The following ALPK2 variants were observed in gnomAD, a reference collection of about 807,000 sequenced individuals.
The protein encoded by ALPK2 is alpha kinase 2.
A neutral mutation model predicts 163.1 loss-of-function variants in ALPK2; 127 were observed. The ratio of observed to expected loss-of-function variants is 0.78; its 90% CI spans 0.67 to 0.90. The LOEUF (loss-of-function observed/expected upper bound fraction) is 0.90. ALPK2 is among the 40% of genes least tolerant of loss of function. ALPK2 has a pLI of 0.00. For synonymous variants in ALPK2, 953 were observed against 959.1 expected, an observed-to-expected ratio of 0.99 and a Z score of 0.12; for missense variants, 2,360 against 2,589.6, an observed-to-expected ratio of 0.91 and a Z score of 1.92.
chr18:58,524,112 A>AT (rs772301969), intron 6 of ALPK2, 50 bp from the exon 7 acceptor site: 13 of 1,570,438 alleles, frequency 8.3e-6, no homozygotes, highest in Admixed American at 3.7e-5. Flanking sequence ...CTACAGTTGC[A>AT]TTTTTTCCTA....
At chr18:58,595,772 C>A (rs1377892245) in intron 3 of ALPK2, among the ~76,000 whole-genome samples, 1 of 152,146 alleles carries the variant, frequency 6.6e-6, no homozygotes, top group Non-Finnish European at 1.5e-5. Flanking sequence ...AGCAGGGTTT[C>A]TCCTGTGTTA....
intron 3 of ALPK2, among the ~76,000 whole-genome samples, chr18:58,590,865 G>C (rs755979426): frequency 2.6e-5 from 4 of 152,144 alleles, no homozygotes; most frequent in Admixed American, 2.6e-4. Context: ...CTCCCAGGCC[G>C]GTTCTCACCC....
intron 4 of ALPK2, chr18:58,557,304 C>T (rs1006920084): frequency 5.3e-5 from 8 of 152,110 alleles, no homozygotes; most frequent in Non-Finnish European, 1.0e-4. Context: ...TACAGGAAGC[C>T]GCCCTTCCTC....
intron 10 of ALPK2, among the ~76,000 whole-genome samples, chr18:58,509,839 G>C (rs79736546): frequency 0.92 from 135,928 of 147,918 alleles, 63,506 homozygotes; most frequent in East Asian, 1. Flanking sequence ...TAGGTTGCCT[G>C]TTCACTCTGA....
intron 11 of ALPK2, among the ~76,000 whole-genome samples, chr18:58,499,397 A>G (rs887494984): frequency 6.6e-6 from 1 of 152,140 alleles, no homozygotes; most frequent in Non-Finnish European, 1.5e-5. Flanking sequence ...TCTGTAGTGG[A>G]AAGAGCCACC....
At chr18:58,484,148 G>A (rs1157592481) in intron 12 of ALPK2, among the ~76,000 whole-genome samples, 1 of 152,152 alleles carries the variant, frequency 6.6e-6, no homozygotes, top group Non-Finnish European at 1.5e-5. Flanking sequence ...AGAGTGGGAT[G>A]CTTTTATTTT....
At chr18:58,589,509 T>A (rs1379730428) in intron 3 of ALPK2, among the ~76,000 whole-genome samples, 5 of 152,078 alleles carry the variant, frequency 3.3e-5, no homozygotes, top group Non-Finnish European at 2.9e-5. Flanking sequence ...AAGACACGAG[T>A]TTGGGGAACA....
rs2051410466 is a variant in ALPK2 at position 58,498,107 on chromosome 18, G to A, written c.6248-10C>T. On this transcript the variant is annotated splice_polypyrimidine_tract_variant and intron_variant, in intron 11 of 12. Transcript: ENST00000361673. ...AGCTTCATTCCTACACCTACAGGAA[G>A]AGAAAGCAAAGATGGGAGTTTGTGT... 1 of 1,614,086 alleles carries A rather than the reference G, an allele frequency of 6.2e-7. No individual in the cohort carries two copies. Among genetic ancestry groups the A allele is most frequent in the Admixed American group, 1.7e-5 (1 of 60,022 alleles).
rs753191414 is a variant in ALPK2 at position 58,529,146 on chromosome 18, C to T, written c.5446G>A (p.Asp1816Asn). 1.2e-6 allele frequency: 2 copies of T among 1,613,998 alleles called. No homozygotes were observed. The highest frequency in any genetic ancestry group is 1.1e-5 in the South Asian group (1 of 91,090). Residue 1816 changes from aspartate to asparagine, a missense_variant, in exon 6 of 13, where the codon GAT (aspartate) becomes AAT (asparagine). Asp to Asn is a conservative substitution (Grantham distance 23, BLOSUM62 1). Coordinates refer to ENST00000361673, the MANE Select transcript of ALPK2 (RefSeq NM_052947.4). ...LSCQFAEIHE[D>N]STICWTKDSK... Reference sequence around the variant, plus strand: ...TCTTTTGTCCAGCAGATAGTAGAATCTTCATGAATTTCTGCAAATTGGCAG... The same window carrying T: ...TCTTTTGTCCAGCAGATAGTAGAATTTTCATGAATTTCTGCAAATTGGCAG...
chr18:58,503,912 GC>G lies in ALPK2; in HGVS notation c.6247+18del. On this transcript the variant is annotated intron_variant, in intron 11 of 12. Transcript: ENST00000361673. The stretch of plus-strand genomic sequence containing the variant: ...GGCCCACAGCATCCCTGGAGCCTGG[GC>G]TAAGCTGCTTTCCTCACCTTGCATG... 1 of 1,604,244 alleles carries G rather than the reference GC, an allele frequency of 6.2e-7. No homozygotes were observed. Among genetic ancestry groups the G allele is most frequent in the African/African-American group, 1.3e-5 (1 of 74,800 alleles).
In ALPK2 at chr18:58,578,885, T is replaced by TG; in HGVS notation, c.1890dup (p.Lys631GlnfsTer8). ...GTATTAACTTGCATGCCTTCTCCCTTGCAATTTGTGTTGCCTTCTTTGGAG... is the reference window on the plus strand; with the variant it reads ...GTATTAACTTGCATGCCTTCTCCCTTGGCAATTTGTGTTGCCTTCTTTGGAG... On this transcript the variant is annotated frameshift_variant, in exon 4 of 13. Coordinates refer to ENST00000361673, the MANE Select transcript of ALPK2 (RefSeq NM_052947.4). LOFTEE classifies it high-confidence loss of function. The TG allele has an allele frequency of 1.9e-6, 3 of 1,614,246 alleles. No homozygotes were observed. Among genetic ancestry groups the TG allele is most frequent in the Non-Finnish European group, 2.5e-6 (3 of 1,180,036 alleles).
chr18:58,483,109 C>A (rs1304510328), intron 12 of ALPK2, among the ~76,000 whole-genome samples: 2 of 152,212 alleles, frequency 1.3e-5, no homozygotes, highest in African/African-American at 4.8e-5. Flanking sequence ...TAAGTGGCAT[C>A]TCCTTGAGAT....
chr18:58,624,135 T>C (rs773074813), intron 1 of ALPK2, among the ~76,000 whole-genome samples: 2 of 152,336 alleles, frequency 1.3e-5, no homozygotes, highest in South Asian at 2.1e-4. Flanking sequence ...TGGTCACTGA[T>C]TGAGTCATTA....
intron 11 of ALPK2, among the ~76,000 whole-genome samples, chr18:58,499,459 C>A (rs997171181): frequency 6.6e-6 from 1 of 152,186 alleles, no homozygotes; most frequent in Admixed American, 6.5e-5. Context: ...TCTCTCAGGT[C>A]TAGTGGAAAG....
chr18:58,542,053 T>C (rs2051692469), intron 4 of ALPK2, among the ~76,000 whole-genome samples: 1 of 152,186 alleles, frequency 6.6e-6, no homozygotes, highest in African/African-American at 2.4e-5. Flanking sequence ...TTTCCTTATG[T>C]AGGGAAATTG....
At chr18:58,533,449 A>ATT (rs10578866) in intron 5 of ALPK2, among the ~76,000 whole-genome samples, 3 of 141,538 alleles carry the variant, frequency 2.1e-5, no homozygotes, top group East Asian at 4.1e-4. Context: ...ATTCTATTTA[A>ATT]TTTTTTTTTT....
intron 3 of ALPK2, among the ~76,000 whole-genome samples, chr18:58,602,118 G>T (rs2052073675): frequency 6.6e-6 from 1 of 152,140 alleles, no homozygotes; most frequent in African/African-American, 2.4e-5. Flanking sequence ...AATCAATCGT[G>T]AATTTGGGGC....
intron 2 of ALPK2, among the ~76,000 whole-genome samples, chr18:58,609,279 C>T (rs1023802869): frequency 1.3e-5 from 2 of 152,314 alleles, no homozygotes; most frequent in East Asian, 1.9e-4. Context: ...CCAGTAGCTG[C>T]GTGGCTGAGC....
intron 6 of ALPK2, among the ~76,000 whole-genome samples, chr18:58,524,616 G>A (rs967055565): frequency 2.6e-5 from 4 of 152,126 alleles, no homozygotes; most frequent in African/African-American, 9.7e-5. Context: ...TAAAACTGGT[G>A]GTGGTGGTCA....
Sources: allele counts gnomAD v4.1 joint callset (sites outside exome capture counted in the v4.1 genomes callset), GRCh38; gene constraint gnomAD v4.1.1; transcripts MANE v1.5; gene names NCBI Gene and HGNC (gene_info 2026-07-23, HGNC 2026-07-21).